CRYBG2: variants seen among roughly 807,000 people sequenced by gnomAD.
CRYBG2 encodes beta/gamma crystallin domain-containing protein 2.
CRYBG2 carries 106 observed loss-of-function variants against 153.4 expected under a neutral mutation model. That is an observed-to-expected ratio of 0.69 (90% CI 0.59 to 0.81). CRYBG2 has a LOEUF of 0.81. CRYBG2 is among the 30% of genes least tolerant of loss of function. The probability of loss-of-function intolerance (pLI) is 0.00; values close to 1 mark genes in which losing one functional copy is unlikely to be tolerated. For synonymous variants in CRYBG2, 851 were observed against 877.8 expected (o/e 0.97, Z 0.54); for missense variants, 1,996 against 2,112.0 (o/e 0.95, Z 1.08).
Position 26,321,876 on chromosome 1 carries a change from A to G in CRYBG2, c.*92T>C. 1 of 1,120,798 alleles carries G rather than the reference A, an allele frequency of 8.9e-7. No individual in the cohort carries two copies. Among genetic ancestry groups the G allele is most frequent in the Non-Finnish European group, 1.2e-6 (1 of 804,380 alleles). The allele number at this position is 1,120,798 out of a possible 1,614,324, so 69.4% of individuals were successfully genotyped here. ...CACAGAGACAAGGGTACCTGGCAGC[A>G]TATTAGAAAATAGCTTATGTTACAA... On this transcript the variant is annotated 3_prime_UTR_variant, in exon 20 of 20. Coordinates refer to ENST00000308182, the MANE Select transcript of CRYBG2 (RefSeq NM_001039775.4).
At chr1:26,328,168 G>A (rs773292770) in intron 17 of CRYBG2, 41 bp downstream of exon 17, 36 of 1,548,102 alleles carry the variant, frequency 2.3e-5, no homozygotes, top group South Asian at 7.1e-5. Context: ...GCCCAGACAC[G>A]CTCAGCCCCA....
chr1:26,338,207 A>G (rs920685024), intron 7 of CRYBG2, 144 bp downstream of exon 7: 18 of 1,418,564 alleles, frequency 1.3e-5, no homozygotes, highest in Non-Finnish European at 1.7e-5. Flanking sequence ...TCCCATTCCC[A>G]ATAGAAGCTC....
chr1:26,348,897 G>A lies in CRYBG2; in HGVS notation c.-55-2185C>T, dbSNP rs532120606. On this transcript the variant is annotated intron_variant, in intron 1 of 19. Coordinates refer to ENST00000308182, the MANE Select transcript of CRYBG2 (RefSeq NM_001039775.4). ...TAAAAACAAAAATAAGGCTGGGTGC[G>A]GTGGCTCACGCCTGTAATCCCAGCA... is the stretch of plus-strand genomic sequence containing the variant. Among the ~76,000 whole-genome samples, 16 of 151,628 alleles carry A rather than the reference G, an allele frequency of 1.1e-4. No homozygotes were observed. In the South Asian group the frequency reaches 1.9e-3, roughly 18 times the overall value.
rs376253645 is a variant in CRYBG2 at position 26,336,316 on chromosome 1, C to G, written c.4071+22G>C. The G allele has an allele frequency of 1.5e-5, 24 of 1,612,900 alleles. No individual in the cohort carries two copies. The highest frequency in any genetic ancestry group is 1.9e-5 in the Non-Finnish European group (23 of 1,179,514). On this transcript the variant is annotated intron_variant, in intron 13 of 19. Transcript: ENST00000308182. This position sits in a 1 kb window ranked among gnomAD's most constrained non-coding sequence, Gnocchi z 4.9. ...GGGGAGAGACGTGAGCCCAGCGGCTCCCTGCGGAGTCCCTGCCTTACCTTT... is the reference window on the plus strand; with the variant it reads ...GGGGAGAGACGTGAGCCCAGCGGCTGCCTGCGGAGTCCCTGCCTTACCTTT...
chr1:26,339,506 G>A, intron 5 of CRYBG2, 77 bp from the exon 6 acceptor site: 2 of 1,522,786 alleles, frequency 1.3e-6, no homozygotes, highest in Non-Finnish European at 9.0e-7. Context: ...CCAGCACTTT[G>A]GGAGGCCGAG....
rs1435110057 is a variant in CRYBG2 at position 26,325,738 on chromosome 1, G to C, written c.4579-1428C>G. On this transcript the variant is annotated intron_variant, in intron 17 of 19. Transcript: ENST00000308182. This position sits in a 1 kb window ranked among gnomAD's most constrained non-coding sequence, Gnocchi z 4.1. Reference sequence around the variant, plus strand: ...ATGCATGCACACACACATACACACAGAGCCCATGGCCTTACCATTTATCTG... The same window carrying C: ...ATGCATGCACACACACATACACACACAGCCCATGGCCTTACCATTTATCTG... Among the ~76,000 whole-genome samples, 2 of 151,866 alleles carry C rather than the reference G, an allele frequency of 1.3e-5. No individual in the cohort carries two copies. Among genetic ancestry groups the C allele is most frequent in the Non-Finnish European group, 2.9e-5 (2 of 67,982 alleles).
chr1:26,335,392 G>T (rs1008763664), intron 14 of CRYBG2, among the ~76,000 whole-genome samples: 2 of 152,130 alleles, frequency 1.3e-5, no homozygotes, highest in Non-Finnish European at 2.9e-5. Flanking sequence ...CAGGAGAATC[G>T]CTTGAACCTG....
In CRYBG2 at chr1:26,344,570, T is replaced by C; in HGVS notation, c.2088A>G (p.Lys696=). ...EGSPISSLTQ[K]EVVQDPDALP... is the part of the protein sequence containing the mutation. ...GAGCATCAGGGTCCTGCACAACCTC[T>C]TTCTGGGTGAGAGATGAGATGGGGC... Residue 696 remains lysine, a synonymous_variant, in exon 2 of 20, where the codon AAA becomes AAG. Transcript: ENST00000308182. 1 of 1,540,038 alleles carries C rather than the reference T, an allele frequency of 6.5e-7. No individual in the cohort carries two copies. Among genetic ancestry groups the C allele is most frequent in the Non-Finnish European group, 8.7e-7 (1 of 1,146,882 alleles).
At position 26,322,230 on chromosome 1, in the gene CRYBG2, A is replaced by C. The variant is rs777985502; in HGVS notation, c.4831T>G (p.Trp1611Gly). 6.2e-7 allele frequency: 1 copy of C among 1,614,000 alleles called. No homozygotes were observed. Among genetic ancestry groups the C allele is most frequent in the Admixed American group, 1.7e-5 (1 of 60,012 alleles). Residue 1611 changes from tryptophan (W) to glycine (G), a missense_variant, in exon 19 of 20, where the codon TGG (tryptophan) becomes GGG (glycine). Trp to Gly is a radical substitution (Grantham distance 184, BLOSUM62 -2). Transcript: ENST00000308182. The stretch of plus-strand genomic sequence containing the variant: ...ATGTGGCCCGATTCACTGATGCTCC[A>C]CGTCTGGCGCGGCAGGCGGCTCTCG... ...WAESRLPRQTWSISESGHICS... is the reference protein window; with the variant it reads ...WAESRLPRQTGSISESGHICS...
chr1:26,346,433 A>G lies in CRYBG2; in HGVS notation c.225T>C (p.Thr75=), dbSNP rs773719364. The G allele has an allele frequency of 6.2e-7, 1 of 1,602,438 alleles. No individual in the cohort carries two copies. The highest frequency in any genetic ancestry group is 1.1e-5 in the South Asian group (1 of 91,040). ...VNGFATQEEE[T]VNCQGPRDTA... ...TATCCCGAGGGCCCTGGCAATTCAC[A>G]GTCTCTTCTTCCTGTGTTGCAAAGC... Residue 75 remains threonine, a synonymous_variant, in exon 2 of 20, where the codon ACT becomes ACC. Transcript: ENST00000308182. This position sits in a 1 kb window ranked among gnomAD's most constrained non-coding sequence, Gnocchi z 4.9.
chr1:26,337,164 G>A lies in CRYBG2; in HGVS notation c.3771+89C>T, dbSNP rs550104475. The A allele has an allele frequency of 4.4e-6, 7 of 1,579,576 alleles. No individual in the cohort carries two copies. In the South Asian group the frequency reaches 8.1e-5, roughly 18 times the overall value. ...ACACTTACAGGGAGAACACGGAGAG[G>A]GGGTACAAATTCTTCCCTCCACAAA... On this transcript the variant is annotated intron_variant, in intron 10 of 19. Coordinates refer to ENST00000308182, the MANE Select transcript of CRYBG2 (RefSeq NM_001039775.4).
At chr1:26,341,033 T>C (rs1307572216) in intron 5 of CRYBG2, among the ~76,000 whole-genome samples, 1 of 152,092 alleles carries the variant, frequency 6.6e-6, no homozygotes, top group African/African-American at 2.4e-5. Context: ...CAGTTATTCA[T>C]TCTTTCATTA....
chr1:26,326,399 A>G (rs1161778529), intron 17 of CRYBG2, among the ~76,000 whole-genome samples: 1 of 151,852 alleles, frequency 6.6e-6, no homozygotes, highest in African/African-American at 2.4e-5. Flanking sequence ...TTAGCCGGGC[A>G]TGGTGGCGGG....
rs1570203347 is a variant in CRYBG2, at chr1:26,344,561, C to T, written c.2097G>A (p.Val699=). The change falls in exon 2 of 20, where the codon GTG becomes GTA. Residue 699 remains valine, a synonymous_variant. Transcript: ENST00000308182. ...PISSLTQKEV[V]QDPDALPAPS... ...GGGCAGGGAGAGCATCAGGGTCCTG[C>T]ACAACCTCTTTCTGGGTGAGAGATG... is the stretch of plus-strand genomic sequence containing the variant. The T allele has an allele frequency of 1.9e-6, 3 of 1,541,800 alleles. No homozygotes were observed. The highest frequency in any genetic ancestry group is 2.6e-6 in the Non-Finnish European group (3 of 1,146,918).
rs569688681 is a variant in CRYBG2, at chr1:26,325,622, C to T, written c.4579-1312G>A. Among the ~76,000 whole-genome samples, 15 of 151,858 alleles carry T rather than the reference C, an allele frequency of 9.9e-5. No homozygotes were observed. In the South Asian group the frequency reaches 2.9e-3, roughly 30 times the overall value. On this transcript the variant is annotated intron_variant, in intron 17 of 19. Coordinates refer to ENST00000308182, the MANE Select transcript of CRYBG2 (RefSeq NM_001039775.4). The surrounding 1 kb of genome is among the most constrained non-coding windows in gnomAD (Gnocchi z 4.1). ...GCACTCCCACAGATACACACACACA[C>T]ACACACACACACACACAGGTCATCA... is the stretch of plus-strand genomic sequence containing the variant.
At position 26,346,779 on chromosome 1, in the gene CRYBG2, C is replaced by T. The variant is rs2074228245; in HGVS notation, c.-55-67G>A. 1.9e-6 allele frequency: 2 copies of T among 1,051,400 alleles called. No homozygotes were observed. The highest frequency in any genetic ancestry group is 2.7e-6 in the Non-Finnish European group (2 of 749,488). The allele number at this position is 1,051,400 out of a possible 1,614,324, so 65.1% of individuals were successfully genotyped here. A position where few individuals can be genotyped will look rare whatever the true frequency, so the allele number is the denominator to read the frequency against. On this transcript the variant is annotated intron_variant, in intron 1 of 19. Transcript: ENST00000308182. The surrounding 1 kb of genome is among the most constrained non-coding windows in gnomAD (Gnocchi z 4.9). ...AGTGGCTTCCTAAAGTGCAGAATAACCACCCCTACCCAAGTCAGGCTGGGA... is the reference window on the plus strand; with the variant it reads ...AGTGGCTTCCTAAAGTGCAGAATAATCACCCCTACCCAAGTCAGGCTGGGA...
intron 14 of CRYBG2, among the ~76,000 whole-genome samples, chr1:26,332,851 T>C (rs2074013073): frequency 6.6e-6 from 1 of 151,596 alleles, no homozygotes. Context: ...TTTTTTATTA[T>C]ATTAACCCAG....
Position 26,343,037 on chromosome 1 carries a change from C to G in CRYBG2, c.3074+10G>C. ...ACAGCCAAGTGCCTTGCTGGGCACTCCCCACTCACCAGCCTCGAACTACCC... is the reference window on the plus strand; with the variant it reads ...ACAGCCAAGTGCCTTGCTGGGCACTGCCCACTCACCAGCCTCGAACTACCC... On this transcript the variant is annotated intron_variant, in intron 4 of 19. Coordinates refer to ENST00000308182, the MANE Select transcript of CRYBG2 (RefSeq NM_001039775.4). The surrounding 1 kb of genome is among the most constrained non-coding windows in gnomAD (Gnocchi z 4.1). 2 of 1,544,018 alleles carry G rather than the reference C, an allele frequency of 1.3e-6. No homozygotes were observed. Among genetic ancestry groups the G allele is most frequent in the Non-Finnish European group, 1.8e-6 (2 of 1,142,292 alleles).
chr1:26,336,660 G>T lies in CRYBG2; in HGVS notation c.3984C>A (p.Cys1328Ter). ...TGCTGTTGCCAGCGCCCCAGTCCTC[G>T]CAGTTACGATACACGCCCTTCTCCA... Reference protein sequence around the residue: ...YVLEKGVYRNCEDWGAGNSTL... With the variant: ...YVLEKGVYRN Residue 1328 changes from cysteine (C) to a stop codon, truncating the protein, a stop_gained, in exon 12 of 20, where the codon TGC (cysteine) becomes TGA (stop). Coordinates refer to ENST00000308182, the MANE Select transcript of CRYBG2 (RefSeq NM_001039775.4). LOFTEE classifies it high-confidence loss of function. The surrounding 1 kb of genome is among the most constrained non-coding windows in gnomAD (Gnocchi z 4.9). The T allele has an allele frequency of 1.3e-6, 2 of 1,553,720 alleles. No homozygotes were observed. The highest frequency in any genetic ancestry group is 2.4e-5 in the South Asian group (2 of 84,380).
Sources: gnomAD v4.1 joint callset for allele counts (sites outside exome capture counted in the v4.1 genomes callset) on GRCh38, gnomAD v4.1.1 for gene constraint, Gnocchi (gnomAD v3.1) non-coding constraint, MANE v1.5 for transcripts, NCBI Gene and HGNC (gene_info 2026-07-23, HGNC 2026-07-21) for gene names.